EXOC4: variants seen among roughly 807,000 people sequenced by gnomAD.
EXOC4 encodes the protein SEC8-like 1.
In EXOC4, 71 loss-of-function variants were observed where a neutral mutation model predicts 107.2. The ratio of observed to expected loss-of-function variants is 0.66; its 90% CI spans 0.55 to 0.81. EXOC4 has a LOEUF of 0.81. Among genes scored for constraint, EXOC4 ranks in the 30% least tolerant of loss-of-function variants. The pLI is 0.00. For synonymous variants in EXOC4, 456 were observed against 441.2 expected (o/e 1.03, Z -0.42); for missense variants, 1,108 against 1,189.6 (o/e 0.93, Z 1.01).
intron 17 of EXOC4, among the ~76,000 whole-genome samples, chr7:134,021,027 T>C (rs775128712): frequency 1.2e-4 from 18 of 151,336 alleles, no homozygotes; most frequent in Non-Finnish European, 2.7e-4. Context: ...GGATCAACTA[T>C]AGGGTCTCTT....
chr7:133,577,212 C>G (rs1428167063), intron 9 of EXOC4, among the ~76,000 whole-genome samples: 2 of 152,132 alleles, frequency 1.3e-5, no homozygotes, highest in African/African-American at 4.8e-5. Flanking sequence ...TAAACATTCA[C>G]TCTATTTAAT....
At chr7:133,643,776 C>T (rs1802919591) in intron 10 of EXOC4, among the ~76,000 whole-genome samples, 1 of 152,160 alleles carries the variant, frequency 6.6e-6, no homozygotes. Flanking sequence ...TTTCTTAATG[C>T]AAGTGTATAC....
intron 9 of EXOC4, among the ~76,000 whole-genome samples, chr7:133,549,118 G>A (rs910892158): frequency 6.6e-6 from 1 of 152,148 alleles, no homozygotes; most frequent in Non-Finnish European, 1.5e-5. Context: ...ATTCTCATGC[G>A]TCAGCCTCCT....
intron 10 of EXOC4, among the ~76,000 whole-genome samples, chr7:133,676,352 A>G (rs1266616916): frequency 6.6e-6 from 1 of 152,272 alleles, no homozygotes; most frequent in East Asian, 1.9e-4. Flanking sequence ...TTTTAGCTGC[A>G]ACTGCTGGAA....
intron 11 of EXOC4, among the ~76,000 whole-genome samples, chr7:133,821,268 A>G (rs2151221111): frequency 6.6e-6 from 1 of 152,302 alleles, no homozygotes; most frequent in South Asian, 2.1e-4. Context: ...TTTTATGAGG[A>G]AGAAACTGAG....
At chr7:133,671,833 A>G (rs911649659) in intron 10 of EXOC4, among the ~76,000 whole-genome samples, 23 of 152,226 alleles carry the variant, frequency 1.5e-4, no homozygotes, top group African/African-American at 4.8e-4. Context: ...ATGTAATTTC[A>G]GAAGACCATA....
intron 4 of EXOC4, among the ~76,000 whole-genome samples, chr7:133,307,092 T>C (rs1373160326): frequency 6.6e-6 from 1 of 152,184 alleles, no homozygotes; most frequent in African/African-American, 2.4e-5. Flanking sequence ...CATTCAGATA[T>C]AGACAAGAAG....
At chr7:133,703,216 C>G (rs993549196) in intron 10 of EXOC4, among the ~76,000 whole-genome samples, 2 of 152,150 alleles carry the variant, frequency 1.3e-5, no homozygotes, top group Admixed American at 6.5e-5. Flanking sequence ...TCACAGTGTT[C>G]TAGGTGTTGG....
chr7:133,857,301 G>GTA (rs1230563380), intron 11 of EXOC4, among the ~76,000 whole-genome samples: 1 of 3,632 alleles, frequency 2.8e-4, no homozygotes, highest in Non-Finnish European at 4.5e-4. Flanking sequence ...ATATATACAC[G>GTA]TATATATATA....
At position 133,409,255 on chromosome 7, in the gene EXOC4, A is replaced by C. The variant is rs1261667182; in HGVS notation, c.1182+34253A>C. Among the ~76,000 whole-genome samples the C allele has an allele frequency of 2.0e-5, 3 of 152,194 alleles. No individual in the cohort carries two copies. The East Asian group carries it at 5.8e-4, about 29-fold the overall frequency. On this transcript the variant is annotated intron_variant, in intron 7 of 17. Coordinates refer to ENST00000253861, the MANE Select transcript of EXOC4 (RefSeq NM_021807.4). ...TTAGAAAGCTACCATTTGATAGTCTACTAAAAATGCCAGAATTTAGCTGTA... is the reference window on the plus strand; with the variant it reads ...TTAGAAAGCTACCATTTGATAGTCTCCTAAAAATGCCAGAATTTAGCTGTA...
At chr7:134,040,399 A>G (rs528771366) in intron 17 of EXOC4, among the ~76,000 whole-genome samples, 1 of 152,154 alleles carries the variant, frequency 6.6e-6, no homozygotes, top group Non-Finnish European at 1.5e-5. Flanking sequence ...TGCAACCTCC[A>G]TGCCTTTATT....
chr7:133,604,334 T>C (rs1801879543), intron 9 of EXOC4, among the ~76,000 whole-genome samples: 1 of 152,234 alleles, frequency 6.6e-6, no homozygotes, highest in Non-Finnish European at 1.5e-5. Context: ...TTATTATCAT[T>C]AGTAAGTAAT....
At chr7:133,684,300 C>A (rs558209738) in intron 10 of EXOC4, among the ~76,000 whole-genome samples, 1 of 152,182 alleles carries the variant, frequency 6.6e-6, no homozygotes, top group African/African-American at 2.4e-5. Flanking sequence ...TTGTGCAATG[C>A]GCTCATAACT....
intron 9 of EXOC4, among the ~76,000 whole-genome samples, chr7:133,513,357 C>T (rs1259099015): frequency 6.6e-6 from 1 of 152,096 alleles, no homozygotes; most frequent in Non-Finnish European, 1.5e-5. Flanking sequence ...CACAAGCCAC[C>T]ACACCCGGCT....
At chr7:133,974,164 A>G (rs1793772183) in intron 14 of EXOC4, among the ~76,000 whole-genome samples, 1 of 152,154 alleles carries the variant, frequency 6.6e-6, no homozygotes, top group African/African-American at 2.4e-5. Flanking sequence ...CAAGGCAGAG[A>G]TAGTGGGGTT....
intron 13 of EXOC4, among the ~76,000 whole-genome samples, chr7:133,934,234 G>A (rs529846105): frequency 5.9e-5 from 9 of 152,256 alleles, no homozygotes; most frequent in Admixed American, 5.9e-4. Flanking sequence ...TCCCTTTAAA[G>A]TTATTCTAAC....
chr7:133,335,845 C>G lies in EXOC4; in HGVS notation c.763+18455C>G, dbSNP rs574562336. The stretch of plus-strand genomic sequence containing the variant: ...TCTCTCTATCCTCATCAACACTTGC[C>G]ATTTTCTGTATTTTTTTTCTTTTGA... On this transcript the variant is annotated intron_variant, in intron 5 of 17. Transcript: ENST00000253861. Among the ~76,000 whole-genome samples, 3 of 152,234 alleles carry G rather than the reference C, an allele frequency of 2.0e-5. No individual in the cohort carries two copies. In the East Asian group the frequency reaches 5.8e-4, roughly 29 times the overall value.
At chr7:133,356,781 G>A (rs1486242167) in intron 6 of EXOC4, among the ~76,000 whole-genome samples, 1 of 152,116 alleles carries the variant, frequency 6.6e-6, no homozygotes, top group South Asian at 2.1e-4. Context: ...AGAAGTTTGA[G>A]ACCAGCCTGT....
chr7:133,461,135 A>G (rs779727383), intron 7 of EXOC4, among the ~76,000 whole-genome samples: 87 of 152,314 alleles, frequency 5.7e-4, no homozygotes, highest in Non-Finnish European at 1.0e-3. Flanking sequence ...TAGGGATAAT[A>G]TGCATATATT....
Sources: gnomAD v4.1 joint callset for allele counts (sites outside exome capture counted in the v4.1 genomes callset) on GRCh38, gnomAD v4.1.1 for gene constraint, MANE v1.5 for transcripts, NCBI Gene and HGNC (gene_info 2026-07-23, HGNC 2026-07-21) for gene names.